The following ARHGEF7 variants were observed in gnomAD, a reference collection of about 807,000 sequenced individuals.
The protein encoded by ARHGEF7 is Rho guanine nucleotide exchange factor 7, also known as PAK-interacting exchange factor beta.
A neutral mutation model predicts 109.8 loss-of-function variants in ARHGEF7; 33 were observed. The observed-to-expected ratio is 0.30, with a 90% CI of 0.23 to 0.40. ARHGEF7 has a LOEUF of 0.40. Ranked by LOEUF, ARHGEF7 falls within the 10% of genes least tolerant of loss-of-function variation. ARHGEF7 has a pLI of 1.00. For synonymous variants in ARHGEF7, 458 were observed against 424.6 expected (o/e 1.08, Z -0.97); for missense variants, 938 against 1,098.5 (o/e 0.85, Z 2.07).
chr13:111,124,920 C>G (rs1001240267), intron 1 of ARHGEF7, among the ~76,000 whole-genome samples: 1 of 152,088 alleles, frequency 6.6e-6, no homozygotes, highest in Non-Finnish European at 1.5e-5. Flanking sequence ...CCACCATGCC[C>G]GGCTAATTTT....
At chr13:111,205,913 C>T (rs896820700) in intron 3 of ARHGEF7, among the ~76,000 whole-genome samples, 7 of 151,888 alleles carry the variant, frequency 4.6e-5, no homozygotes, top group African/African-American at 1.7e-4. Context: ...CATGGTGTGC[C>T]CCTCTCATGG....
intron 5 of ARHGEF7, 36 bp from the exon 6 acceptor site, chr13:111,233,169 A>C: frequency 5.3e-6 from 8 of 1,517,444 alleles, no homozygotes; most frequent in South Asian, 1.1e-5. Flanking sequence ...CATCTTTAGT[A>C]CTGATCAGTA....
chr13:111,183,567 A>G lies in ARHGEF7; in HGVS notation c.253-21722A>G, dbSNP rs61210005. Reference sequence around the variant, plus strand: ...TGTCTGCTGAAAGTTACATTTGCATAGCATCAAATAGTGCATAAACTACAT... The same window carrying G: ...TGTCTGCTGAAAGTTACATTTGCATGGCATCAAATAGTGCATAAACTACAT... On this transcript the variant is annotated intron_variant, in intron 2 of 21. Transcript: ENST00000646102. 4.3e-3 allele frequency among the ~76,000 whole-genome samples: 658 copies of G among 152,330 alleles called. 7 individuals are homozygous for G. The highest frequency in any genetic ancestry group is 0.015 in the African/African-American group (630 of 41,570).
rs2093614074 is a variant in ARHGEF7 at position 111,303,813 on chromosome 13, C to T, written c.*700C>T. 6.6e-6 allele frequency: 1 copy of T among 152,274 alleles called. No homozygotes were observed. Among genetic ancestry groups the T allele is most frequent in the African/African-American group, 2.4e-5 (1 of 41,468 alleles). The allele number at this position is 152,274 out of a possible 1,614,324, so 9.4% of individuals were successfully genotyped here. ...AAGGAAGGCCCATACGGCACTGCCG[C>T]ATCCACCTAGAGGTGTTTGCTCTTG... is the stretch of plus-strand genomic sequence containing the variant. On this transcript the variant is annotated 3_prime_UTR_variant, in exon 22 of 22. Coordinates refer to ENST00000646102, the MANE Select transcript of ARHGEF7 (RefSeq NM_001354046.2).
In ARHGEF7 at chr13:111,131,328, G is replaced by C. The variant is rs1024840769; in HGVS notation, c.165+15637G>C. Among the ~76,000 whole-genome samples, 1 of 152,058 alleles carries C rather than the reference G, an allele frequency of 6.6e-6. No individual in the cohort carries two copies. Among genetic ancestry groups the C allele is most frequent in the Non-Finnish European group, 1.5e-5 (1 of 68,012 alleles). ...TCCTGGGTTTCTGGTTGCACAACAG[G>C]ATAGATGGGGCGGTCGCCTGTGCTG... On this transcript the variant is annotated intron_variant, in intron 1 of 21. Coordinates refer to ENST00000646102, the MANE Select transcript of ARHGEF7 (RefSeq NM_001354046.2). This position sits in a 1 kb window ranked among gnomAD's most constrained non-coding sequence, Gnocchi z 4.4.
intron 19 of ARHGEF7, among the ~76,000 whole-genome samples, chr13:111,297,448 G>A (rs941198325): frequency 2.0e-5 from 3 of 152,258 alleles, no homozygotes; most frequent in African/African-American, 4.8e-5. Context: ...GACCTGTGCC[G>A]GGCACATACA....
intron 19 of ARHGEF7, among the ~76,000 whole-genome samples, chr13:111,295,899 T>A (rs79945785): frequency 0.02 from 2,981 of 152,340 alleles, 94 homozygotes; most frequent in African/African-American, 0.068. Context: ...CATGTCCTGG[T>A]TCACTGGCCA....
chr13:111,180,343 T>G (rs1023162321), intron 2 of ARHGEF7, among the ~76,000 whole-genome samples: 1 of 152,220 alleles, frequency 6.6e-6, no homozygotes, highest in African/African-American at 2.4e-5. Flanking sequence ...AGCCATGAAC[T>G]GAATTTTATC....
Position 111,258,719 on chromosome 13 carries a change from C to T in ARHGEF7, c.951-8829C>T, listed in dbSNP as rs947618829. Among the ~76,000 whole-genome samples the T allele has an allele frequency of 6.6e-6, 1 of 152,026 alleles. No homozygotes were observed. The highest frequency in any genetic ancestry group is 2.4e-5 in the African/African-American group (1 of 41,402). On this transcript the variant is annotated intron_variant, in intron 8 of 21. Transcript: ENST00000646102. The surrounding 1 kb of genome is among the most constrained non-coding windows in gnomAD (Gnocchi z 4.4). ...TTGAGAAAAGGAGAGGAGACTTTGT[C>T]TTGCAGCGTAGGTATCTGCCCAGCC...
intron 1 of ARHGEF7, among the ~76,000 whole-genome samples, chr13:111,121,517 TG>T (rs973650610): frequency 2.7e-4 from 41 of 152,104 alleles, no homozygotes; most frequent in South Asian, 2.1e-4. Context: ...GTGAGGTGAG[TG>T]GGGGCAGAGC....
At chr13:111,165,508 G>A (rs768025123) in intron 2 of ARHGEF7, among the ~76,000 whole-genome samples, 5 of 152,302 alleles carry the variant, frequency 3.3e-5, no homozygotes, top group Admixed American at 1.3e-4. Flanking sequence ...TTTGCCTAAC[G>A]TGAAAATACT....
In ARHGEF7 at chr13:111,205,329, A is replaced by G. The variant is rs1316876086; in HGVS notation, c.293A>G (p.Asn98Ser). ...ANDLYQGQNFNKVLSSLVTLN... is the reference protein window; with the variant it reads ...ANDLYQGQNFSKVLSSLVTLN... Reference sequence around the variant, plus strand: ...GATTTGTATCAGGGGCAGAATTTTAACAAGGTCCTCAGTTCCTTAGTGACT... The same window carrying G: ...GATTTGTATCAGGGGCAGAATTTTAGCAAGGTCCTCAGTTCCTTAGTGACT... The change falls in exon 3 of 22, where the codon AAC becomes AGC. Residue 98 changes from asparagine (N) to serine (S), a missense_variant. Asn to Ser is a conservative substitution (Grantham distance 46, BLOSUM62 1). This residue lies in a region of ARHGEF7 where 585 missense variants were observed against 723.6 expected (regional missense o/e 0.81). Transcript: ENST00000646102. 6.2e-7 allele frequency: 1 copy of G among 1,601,970 alleles called. No individual in the cohort carries two copies. The highest frequency in any genetic ancestry group is 8.5e-7 in the Non-Finnish European group (1 of 1,177,390).
intron 1 of ARHGEF7, among the ~76,000 whole-genome samples, chr13:111,126,953 T>C (rs2067603041): frequency 6.6e-6 from 1 of 152,272 alleles, no homozygotes; most frequent in Middle Eastern, 3.4e-3. Context: ...GAATGGAGAT[T>C]AGAAAATTAC....
At chr13:111,237,640 A>G (rs1595052747) in intron 6 of ARHGEF7, among the ~76,000 whole-genome samples, 1 of 152,218 alleles carries the variant, frequency 6.6e-6, no homozygotes, top group Non-Finnish European at 1.5e-5. Context: ...AAGCAACCCA[A>G]AATAAACAGT....
intron 2 of ARHGEF7, among the ~76,000 whole-genome samples, chr13:111,183,368 TC>T (rs1001274474): frequency 5.9e-5 from 9 of 152,186 alleles, no homozygotes; most frequent in African/African-American, 1.9e-4. Flanking sequence ...ACAAAAATGT[TC>T]TCAGTGAAAA....
At chr13:111,218,575 C>G (rs2083425117) in intron 5 of ARHGEF7, among the ~76,000 whole-genome samples, 1 of 152,124 alleles carries the variant, frequency 6.6e-6, no homozygotes, top group Admixed American at 6.5e-5. Flanking sequence ...ACTACAGTTC[C>G]TCAGATTCTG....
intron 2 of ARHGEF7, among the ~76,000 whole-genome samples, chr13:111,172,674 G>C (rs1379433687): frequency 6.6e-6 from 1 of 152,216 alleles, no homozygotes; most frequent in African/African-American, 2.4e-5. Context: ...TACAGACTGG[G>C]TTAATAGCAG....
chr13:111,216,468 CT>C (rs1193926100), intron 4 of ARHGEF7, among the ~76,000 whole-genome samples: 10 of 151,566 alleles, frequency 6.6e-5, no homozygotes, highest in Admixed American at 1.3e-4. Context: ...GGATAGAGGC[CT>C]GGACTCTGCT....
chr13:111,302,405 C>T (rs532642796), intron 21 of ARHGEF7, among the ~76,000 whole-genome samples: 18 of 152,346 alleles, frequency 1.2e-4, no homozygotes, highest in African/African-American at 4.1e-4. Context: ...GAGCTGAGAG[C>T]AGGTTGCTGT....
Sources: gnomAD v4.1 joint callset for allele counts (sites outside exome capture counted in the v4.1 genomes callset) on GRCh38, gnomAD v4.1.1 for gene constraint, gnomAD v4.1.1 regional missense constraint, Gnocchi (gnomAD v3.1) non-coding constraint, MANE v1.5 for transcripts, NCBI Gene and HGNC (gene_info 2026-07-23, HGNC 2026-07-21) for gene names.